Variants in KITLG observed in about 807,000 individuals in gnomAD.
The protein encoded by KITLG is KIT ligand.
A neutral mutation model predicts 34.1 loss-of-function variants in KITLG; 13 were observed. That is an observed-to-expected ratio of 0.38 (90% CI 0.25 to 0.61). KITLG has a LOEUF of 0.61. KITLG is among the 20% of genes least tolerant of loss of function. KITLG has a pLI of 0.60. For missense variants in KITLG, 292 were observed against 318.9 expected, an observed-to-expected ratio of 0.92 and a Z score of 0.64; for synonymous variants, 110 against 104.0, an observed-to-expected ratio of 1.06 and a Z score of -0.35.
intron 3 of KITLG, among the ~76,000 whole-genome samples, chr12:88,527,400 T>C (rs1869914293): frequency 6.6e-6 from 1 of 152,000 alleles, no homozygotes; most frequent in Non-Finnish European, 1.5e-5. Flanking sequence ...CAAAAAAAGA[T>C]GAGAATAGCC....
At chr12:88,548,679 C>A (rs1870797457) in intron 1 of KITLG, among the ~76,000 whole-genome samples, 1 of 152,130 alleles carries the variant, frequency 6.6e-6, no homozygotes, top group Non-Finnish European at 1.5e-5. Flanking sequence ...CAGCTACCCC[C>A]ACCAGTACCA....
At chr12:88,549,200 T>C (rs1870815214) in intron 1 of KITLG, among the ~76,000 whole-genome samples, 1 of 152,186 alleles carries the variant, frequency 6.6e-6, no homozygotes, top group Non-Finnish European at 1.5e-5. Flanking sequence ...ACAGCTCATG[T>C]AGGGCGTTGA....
intron 5 of KITLG, 132 bp downstream of exon 5, chr12:88,516,202 T>C (rs1592842203): frequency 2.6e-6 from 2 of 776,052 alleles, no homozygotes; most frequent in East Asian, 2.5e-5. Flanking sequence ...TCTGTGCTAT[T>C]GATATCTGCT....
intron 2 of KITLG, chr12:88,534,663 A>G (rs201832418): frequency 5.9e-6 from 3 of 512,408 alleles, no homozygotes; most frequent in Admixed American, 2.0e-5. Context: ...CACCGTGTCC[A>G]TTCCATTGCT....
chr12:88,561,209 T>C (rs1320254491), intron 1 of KITLG, among the ~76,000 whole-genome samples: 1 of 152,138 alleles, frequency 6.6e-6, no homozygotes, highest in Admixed American at 6.5e-5. Flanking sequence ...ATAGGTTTGC[T>C]GAGGATTAAA....
intron 2 of KITLG, 93 bp downstream of exon 2, chr12:88,545,659 G>A (rs1346166933): frequency 2.8e-6 from 2 of 719,000 alleles, no homozygotes; most frequent in Non-Finnish European, 4.7e-6. Flanking sequence ...ACATTACTTT[G>A]GGGCAAGAAA....
At chr12:88,547,310 T>C (rs916864607) in intron 1 of KITLG, among the ~76,000 whole-genome samples, 11 of 152,228 alleles carry the variant, frequency 7.2e-5, no homozygotes, top group African/African-American at 2.7e-4. Context: ...ACTACAATGC[T>C]AATTACATGG....
chr12:88,529,253 T>C, intron 3 of KITLG, among the ~76,000 whole-genome samples: 1 of 152,196 alleles, frequency 6.6e-6, no homozygotes, highest in East Asian at 1.9e-4. Context: ...TGAAGGTGTG[T>C]GGCAACAATT....
chr12:88,578,622 T>C (rs190823983), intron 1 of KITLG, among the ~76,000 whole-genome samples: 54 of 152,316 alleles, frequency 3.5e-4, no homozygotes, highest in South Asian at 4.1e-4. Context: ...GCAAGGATAA[T>C]CAATCCTACT....
chr12:88,516,096 TCTCATATATTGTTTA>T (rs1208625873), intron 5 of KITLG, among the ~76,000 whole-genome samples: 2 of 151,754 alleles, frequency 1.3e-5, no homozygotes, highest in Non-Finnish European at 3.0e-5. Context: ...TGAGTGGCCA[TCTCATATATTGTTTA>T]CTCACAAACA....
chr12:88,518,578 TG>T, intron 4 of KITLG, 118 bp downstream of exon 4: 1 of 787,554 alleles, frequency 1.3e-6, no homozygotes, highest in East Asian at 2.6e-5. Context: ...TTTTTAAATT[TG>T]AAGTTTATAC....
intron 1 of KITLG, among the ~76,000 whole-genome samples, chr12:88,575,100 T>G (rs371484031): frequency 6.6e-6 from 1 of 152,216 alleles, no homozygotes; most frequent in East Asian, 1.9e-4. Context: ...TTCAAATATC[T>G]ATTTTACTAG....
intron 1 of KITLG, among the ~76,000 whole-genome samples, chr12:88,547,352 T>G (rs1266569114): frequency 6.6e-6 from 1 of 152,250 alleles, no homozygotes; most frequent in Non-Finnish European, 1.5e-5. Flanking sequence ...ATTGAAATCC[T>G]TTTATTCCCT....
At chr12:88,524,006 G>A (rs1409954964) in intron 3 of KITLG, among the ~76,000 whole-genome samples, 1 of 152,204 alleles carries the variant, frequency 6.6e-6, no homozygotes, top group East Asian at 1.9e-4. Context: ...AACAGTGAAG[G>A]AACAGCACAG....
At chr12:88,514,519 C>T (rs1371637086) in intron 6 of KITLG, among the ~76,000 whole-genome samples, 1 of 151,612 alleles carries the variant, frequency 6.6e-6, no homozygotes, top group African/African-American at 2.4e-5. Flanking sequence ...CTGTCCTGCA[C>T]ATAATGTATA....
chr12:88,497,139 TA>T lies in KITLG; in HGVS notation c.*79del. 2.2e-6 allele frequency: 1 copy of T among 449,066 alleles called. No homozygotes were observed. The highest frequency in any genetic ancestry group is 4.5e-6 in the Non-Finnish European group (1 of 223,440). 27.8% of individuals were successfully genotyped at this position (449,066 alleles called of 1,614,324 possible). On this transcript the variant is annotated 3_prime_UTR_variant, in exon 10 of 10. Transcript: ENST00000644744. ...ACTCCAGACAGAATATGAATTTGTT[TA>T]AAGCTGCTTCATTTATGAAGCAAAC...
Position 88,515,581 on chromosome 12 carries a change from G to A in KITLG, c.557C>T (p.Pro186Leu). The A allele has an allele frequency of 6.2e-7, 1 of 1,610,872 alleles. No homozygotes were observed. Residue 186 changes from proline (P) to leucine (L), a missense_variant, in exon 6 of 10, where the codon CCC becomes CTC. Pro to Leu is a moderately conservative substitution (Grantham distance 98). Around this residue, in one of 2 missense-constraint regions of KITLG, gnomAD observed 140 missense variants for 111.0 expected, o/e 1.26. Coordinates refer to ENST00000644744, the MANE Select transcript of KITLG (RefSeq NM_000899.5). ...CCTAAGGGAGCTGGCTGCAACAGGG[G>A]GTAACATAAATGGTTTTGTGACACT... ...RVSVTKPFML[P>L]PVAASSLRND...
intron 3 of KITLG, among the ~76,000 whole-genome samples, chr12:88,519,771 A>C (rs2120844066): frequency 6.6e-6 from 1 of 152,210 alleles, no homozygotes; most frequent in African/African-American, 2.4e-5. Context: ...TACAAGGCGC[A>C]TGCTACCAAG....
intron 1 of KITLG, among the ~76,000 whole-genome samples, chr12:88,570,801 C>T (rs1871624696): frequency 6.6e-6 from 1 of 152,126 alleles, no homozygotes; most frequent in African/African-American, 2.4e-5. Context: ...CAACATTTTG[C>T]TACAATCGAA....
Sources: allele counts gnomAD v4.1 joint callset (sites outside exome capture counted in the v4.1 genomes callset), GRCh38; gene constraint gnomAD v4.1.1; regional missense constraint gnomAD v4.1.1; transcripts MANE v1.5; gene names NCBI Gene and HGNC (gene_info 2026-07-23, HGNC 2026-07-21).